NLGN1: variants seen among roughly 807,000 people sequenced by gnomAD.
The protein encoded by NLGN1 is neuroligin-1.
In NLGN1, 12 loss-of-function variants were observed where a neutral mutation model predicts 65.5. The observed-to-expected ratio is 0.18, with a 90% confidence interval of 0.12 to 0.30. The LOEUF (loss-of-function observed/expected upper bound fraction) is 0.30. Ranked by LOEUF, NLGN1 falls within the 10% of genes least tolerant of loss-of-function variation. NLGN1 has a pLI of 1.00. For synonymous variants in NLGN1, 350 were observed against 359.5 expected, an observed-to-expected ratio of 0.97 and a Z score of 0.30; for missense variants, 750 against 1,007.1, an observed-to-expected ratio of 0.74 and a Z score of 3.46.
rs1030719339 is a variant in NLGN1, at chr3:173,451,617, G to T, written c.-321+16539G>T. On this transcript the variant is annotated intron_variant, in intron 2 of 6. Coordinates refer to ENST00000457714, the Ensembl canonical transcript of NLGN1. ...GACAGGGACATTTAAGTCTGCAGAGGTTATTGCCGTCTTTTGTTTGTCTGT... is the reference window on the plus strand; with the variant it reads ...GACAGGGACATTTAAGTCTGCAGAGTTTATTGCCGTCTTTTGTTTGTCTGT... Among the ~76,000 whole-genome samples, 4 of 152,300 alleles carry T rather than the reference G, an allele frequency of 2.6e-5. No individual in the cohort carries two copies. The East Asian group carries it at 5.8e-4, about 22-fold the overall frequency.
At chr3:173,731,782 A>G (rs1325060259) in intron 3 of NLGN1, among the ~76,000 whole-genome samples, 1 of 152,118 alleles carries the variant, frequency 6.6e-6, no homozygotes, top group East Asian at 1.9e-4. Context: ...AAATATAAAT[A>G]TATAAAGGAG....
intron 4 of NLGN1, among the ~76,000 whole-genome samples, chr3:174,127,550 A>G (rs192910683): frequency 1.3e-5 from 2 of 152,114 alleles, no homozygotes; most frequent in Admixed American, 1.3e-4. Context: ...TCTCTTCAAC[A>G]TTCTTAAATG....
intron 4 of NLGN1, among the ~76,000 whole-genome samples, chr3:174,037,861 A>G (rs1022616356): frequency 7.2e-5 from 11 of 152,170 alleles, no homozygotes; most frequent in Non-Finnish European, 8.8e-5. Flanking sequence ...ATACAAAATT[A>G]CAATTGACGG....
intron 3 of NLGN1, among the ~76,000 whole-genome samples, chr3:173,799,205 CGT>C (rs1357578315): frequency 1.3e-5 from 2 of 151,606 alleles, no homozygotes; most frequent in Non-Finnish European, 2.9e-5. Context: ...ACTTGAGTGT[CGT>C]GTGTTTGTAA....
At chr3:173,499,466 T>G (rs1253476820) in intron 2 of NLGN1, among the ~76,000 whole-genome samples, 21 of 151,918 alleles carry the variant, frequency 1.4e-4, no homozygotes, top group Admixed American at 6.6e-4. Context: ...AGCCTTGTAG[T>G]ATAGTTTGAA....
At chr3:173,910,106 G>T (rs1739291911) in intron 4 of NLGN1, among the ~76,000 whole-genome samples, 1 of 152,176 alleles carries the variant, frequency 6.6e-6, no homozygotes, top group African/African-American at 2.4e-5. Context: ...CTACTGGGTT[G>T]TTCATGCTCA....
At chr3:173,640,681 A>G (rs1757268476) in intron 3 of NLGN1, among the ~76,000 whole-genome samples, 1 of 152,178 alleles carries the variant, frequency 6.6e-6, no homozygotes. Flanking sequence ...GAGTTAATCA[A>G]AATTCATGAA....
At chr3:174,127,612 T>C (rs535445664) in intron 4 of NLGN1, among the ~76,000 whole-genome samples, 1 of 152,284 alleles carries the variant, frequency 6.6e-6, no homozygotes. Context: ...TGCATCCTGC[T>C]GTAGAAACTC....
chr3:174,242,508 A>G (rs1166153219), intron 4 of NLGN1, among the ~76,000 whole-genome samples: 1 of 152,134 alleles, frequency 6.6e-6, no homozygotes, highest in Non-Finnish European at 1.5e-5. Flanking sequence ...CCTGCGCTCC[A>G]TCTCCTGTCA....
intron 4 of NLGN1, among the ~76,000 whole-genome samples, chr3:174,039,519 A>C (rs763737350): frequency 6.6e-6 from 1 of 152,076 alleles, no homozygotes; most frequent in Non-Finnish European, 1.5e-5. Context: ...CAAGATGTCT[A>C]GGTTAATTCT....
intron 4 of NLGN1, among the ~76,000 whole-genome samples, chr3:173,973,173 A>T (rs977663369): frequency 5.9e-5 from 9 of 152,148 alleles, no homozygotes; most frequent in Non-Finnish European, 1.0e-4. Flanking sequence ...TCTCTAGCAT[A>T]TTGAAATAAT....
chr3:173,412,341 C>G (rs571723015), intron 1 of NLGN1, among the ~76,000 whole-genome samples: 59 of 150,578 alleles, frequency 3.9e-4, no homozygotes, highest in Non-Finnish European at 7.8e-4. Flanking sequence ...CACACACACA[C>G]ACAGTGTGCA....
At chr3:174,193,874 C>T (rs1337910407) in intron 4 of NLGN1, among the ~76,000 whole-genome samples, 1 of 152,056 alleles carries the variant, frequency 6.6e-6, no homozygotes. Context: ...TCTTCTCTGA[C>T]ATTTGTAAAA....
At position 174,129,427 on chromosome 3, in the gene NLGN1, G is replaced by GA. The variant is rs1443703950; in HGVS notation, c.647-145883dup. Among the ~76,000 whole-genome samples the GA allele has an allele frequency of 2.2e-5, 3 of 136,330 alleles. No individual in the cohort carries two copies. The East Asian group carries it at 7.4e-4, about 33-fold the overall frequency. 89.4% of individuals were successfully genotyped at this position (136,330 alleles called of 152,430 possible). On this transcript the variant is annotated intron_variant, in intron 4 of 6. Transcript: ENST00000457714. The stretch of plus-strand genomic sequence containing the variant: ...CATTCATTCATTCTACAGTATCTAG[G>GA]AAAAACATATGAAGTGGAGCTGAAA...
chr3:174,247,836 A>G lies in NLGN1; in HGVS notation c.647-27479A>G, dbSNP rs190906936. 1.4e-3 allele frequency among the ~76,000 whole-genome samples: 212 copies of G among 152,306 alleles called. 1 individual carries two copies. Among genetic ancestry groups the G allele is most frequent in the African/African-American group, 4.6e-3 (192 of 41,564 alleles). On this transcript the variant is annotated intron_variant, in intron 4 of 6. Transcript: ENST00000457714. ...ATGGCTACTGCTCTGCTTTGCTCCA[A>G]TGTCTGACCTTATCTGAACAAGAAC... is the stretch of plus-strand genomic sequence containing the variant.
intron 1 of NLGN1, among the ~76,000 whole-genome samples, chr3:173,411,038 T>C (rs1712434984): frequency 6.6e-6 from 1 of 152,228 alleles, no homozygotes; most frequent in Non-Finnish European, 1.5e-5. Flanking sequence ...AGGCTACATA[T>C]GGTCACTTGT....
intron 4 of NLGN1, among the ~76,000 whole-genome samples, chr3:173,821,132 G>A (rs745355832): frequency 1.3e-5 from 2 of 152,240 alleles, no homozygotes; most frequent in Admixed American, 6.5e-5. Flanking sequence ...TTTCTCGACT[G>A]ATTTATGTAT....
intron 2 of NLGN1, chr3:173,584,793 G>GGT (rs1747066382): frequency 6.6e-6 from 1 of 151,026 alleles, no homozygotes; most frequent in Non-Finnish European, 1.5e-5. Context: ...AAGGAGGGGG[G>GGT]GGTGCAAAAC....
intron 3 of NLGN1, among the ~76,000 whole-genome samples, chr3:173,709,803 C>CAAAAAAAAAAAAAAAAAA (rs59998502): frequency 2.9e-5 from 2 of 69,276 alleles, no homozygotes; most frequent in African/African-American, 5.6e-5. Flanking sequence ...AACTCTATCT[C>CAAAAAAAAAAAAAAAAAA]AAAAAAAAAA....
Sources: gnomAD v4.1 joint callset for allele counts (sites outside exome capture counted in the v4.1 genomes callset) on GRCh38, gnomAD v4.1.1 for gene constraint, MANE v1.5 for transcripts, NCBI Gene and HGNC (gene_info 2026-07-23, HGNC 2026-07-21) for gene names.